PTPRC: variants seen among roughly 807,000 people sequenced by gnomAD.
PTPRC encodes receptor-type tyrosine-protein phosphatase C.
In PTPRC, 44 loss-of-function variants were observed where a neutral mutation model predicts 155.9. That is an observed-to-expected ratio of 0.28 (90% CI 0.22 to 0.36). The LOEUF is 0.36. PTPRC is among the 10% of genes least tolerant of loss of function. The pLI is 1.00. For synonymous variants in PTPRC, 525 were observed against 533.1 expected (o/e 0.98, Z 0.21); for missense variants, 1,401 against 1,564.6 (o/e 0.90, Z 1.76).
At chr1:198,642,292 A>G (rs1421929673) in intron 2 of PTPRC, among the ~76,000 whole-genome samples, 2 of 152,010 alleles carry the variant, frequency 1.3e-5, no homozygotes, top group African/African-American at 4.8e-5. Flanking sequence ...ACTTGAACAT[A>G]TATTTCTTTA....
At chr1:198,746,825 A>T (rs1655155824) in intron 26 of PTPRC, among the ~76,000 whole-genome samples, 1 of 151,808 alleles carries the variant, frequency 6.6e-6, no homozygotes, top group African/African-American at 2.4e-5. Flanking sequence ...AGGTGTTGTA[A>T]CAGTTTCCAA....
rs749142861 is a variant in PTPRC, at chr1:198,699,694, T to C, written c.429T>C (p.Asn143=). Residue 143 remains asparagine, a synonymous_variant, in exon 5 of 33, where the codon AAT becomes AAC. Coordinates refer to ENST00000442510, the MANE Select transcript of PTPRC (RefSeq NM_002838.5). ...AACTCAACCCTACCCCAGGCAGCAATGCTATCTCAGGTTTGCGGGTCCTTT... is the reference window on the plus strand; with the variant it reads ...AACTCAACCCTACCCCAGGCAGCAACGCTATCTCAGGTTTGCGGGTCCTTT... ...NAKLNPTPGS[N]AISDVPGERS... is the part of the protein sequence containing the mutation. The C allele has an allele frequency of 1.3e-5, 21 of 1,614,026 alleles. No homozygotes were observed. The South Asian group carries it at 2.3e-4, about 18-fold the overall frequency.
intron 17 of PTPRC, among the ~76,000 whole-genome samples, chr1:198,731,126 CTT>C (rs1039369130): frequency 3.9e-5 from 6 of 151,998 alleles, no homozygotes; most frequent in African/African-American, 1.4e-4. Context: ...ATTAATACAA[CTT>C]GTTTCACCAT....
intron 2 of PTPRC, among the ~76,000 whole-genome samples, chr1:198,667,745 A>G (rs1189262332): frequency 6.6e-6 from 1 of 152,266 alleles, no homozygotes. Context: ...CTGTCAATTC[A>G]TAACATGTCA....
At chr1:198,642,921 T>TTTCC (rs1164234150) in intron 2 of PTPRC, among the ~76,000 whole-genome samples, 1 of 146,586 alleles carries the variant, frequency 6.8e-6, no homozygotes, top group Non-Finnish European at 1.5e-5. Context: ...TCTTTCTTTC[T>TTTCC]TTCTTTCTTT....
intron 2 of PTPRC, chr1:198,657,911 C>CCACAG (rs1375159197): frequency 6.6e-6 from 1 of 152,108 alleles, no homozygotes; most frequent in Non-Finnish European, 1.5e-5. Flanking sequence ...GGCATCTCTT[C>CCACAG]CACAGACAAA....
intron 2 of PTPRC, among the ~76,000 whole-genome samples, chr1:198,656,063 C>T (rs192220757): frequency 6.6e-6 from 1 of 152,062 alleles, no homozygotes; most frequent in African/African-American, 2.4e-5. Flanking sequence ...TTAAAAGATT[C>T]ACAGGTGAGA....
At chr1:198,694,352 C>T (rs899213410) in intron 3 of PTPRC, 37 of 926,652 alleles carry the variant, frequency 4.0e-5, no homozygotes, top group Non-Finnish European at 5.0e-5. Context: ...GGTCTGCCTC[C>T]CCCAGTCCAC....
intron 2 of PTPRC, chr1:198,680,011 G>C: frequency 1.8e-6 from 1 of 565,880 alleles, no homozygotes; most frequent in South Asian, 2.1e-5. Context: ...CAGGCTCAAG[G>C]GCCTGGACCG....
chr1:198,746,516 A>C (rs771456102), intron 26 of PTPRC, among the ~76,000 whole-genome samples: 26 of 151,688 alleles, frequency 1.7e-4, no homozygotes, highest in Non-Finnish European at 3.2e-4. Flanking sequence ...GATTAAGATA[A>C]ATGGGAGTTC....
intron 15 of PTPRC, among the ~76,000 whole-genome samples, chr1:198,725,295 T>C (rs931135943): frequency 6.6e-6 from 1 of 152,156 alleles, no homozygotes; most frequent in African/African-American, 2.4e-5. Context: ...GCTTGGTTCT[T>C]ATTGGTAGTC....
chr1:198,738,913 G>T (rs1401948097), intron 23 of PTPRC, among the ~76,000 whole-genome samples: 4 of 151,656 alleles, frequency 2.6e-5, no homozygotes, highest in African/African-American at 9.7e-5. Flanking sequence ...CACATGAATT[G>T]AAACAAGAAA....
intron 28 of PTPRC, 80 bp downstream of exon 28, chr1:198,749,629 AT>A: frequency 1.4e-6 from 2 of 1,391,802 alleles, no homozygotes; most frequent in Admixed American, 3.5e-5. Flanking sequence ...TCATTAAGCG[AT>A]TTTATAAAAG....
At chr1:198,728,212 G>T in intron 15 of PTPRC, 128 bp from the exon 16 acceptor site, 3 of 707,394 alleles carry the variant, frequency 4.2e-6, no homozygotes, top group East Asian at 3.0e-5. Context: ...ATTCTAAAAT[G>T]TTTATTTTTT....
chr1:198,665,225 G>T (rs1302365871), intron 2 of PTPRC, among the ~76,000 whole-genome samples: 2 of 151,062 alleles, frequency 1.3e-5, no homozygotes, highest in African/African-American at 4.9e-5. Flanking sequence ...GAGTAGGGGG[G>T]ACTACAGGCG....
chr1:198,639,114 C>T lies in PTPRC; in HGVS notation c.-67C>T, dbSNP rs1662426772. The T allele has an allele frequency of 7.4e-6, 5 of 675,114 alleles. No individual in the cohort carries two copies. Among genetic ancestry groups the T allele is most frequent in the Admixed American group, 2.3e-5 (1 of 44,226 alleles). 41.8% of individuals were successfully genotyped at this position (675,114 alleles called of 1,614,324 possible). A position where few individuals can be genotyped will look rare whatever the true frequency, so the allele number is the denominator to read the frequency against. ...GGTAACAGAGGAGGAAATTGTTCCTCGTCTGATAAGACAACAGTGGAGAGT... is the reference window on the plus strand; with the variant it reads ...GGTAACAGAGGAGGAAATTGTTCCTTGTCTGATAAGACAACAGTGGAGAGT... On this transcript the variant is annotated 5_prime_UTR_variant, in exon 1 of 33. Transcript: ENST00000442510.
intron 9 of PTPRC, among the ~76,000 whole-genome samples, chr1:198,707,810 A>C (rs1022275112): frequency 2.6e-5 from 4 of 152,242 alleles, no homozygotes; most frequent in Non-Finnish European, 5.9e-5. Flanking sequence ...AAAAACAAAA[A>C]TACAAAATGG....
At chr1:198,648,606 T>G (rs1663063781) in intron 2 of PTPRC, among the ~76,000 whole-genome samples, 1 of 151,854 alleles carries the variant, frequency 6.6e-6, no homozygotes, top group Non-Finnish European at 1.5e-5. Context: ...TTCACCTGAT[T>G]TAGCTACTTA....
intron 2 of PTPRC, among the ~76,000 whole-genome samples, chr1:198,687,521 A>G (rs1270072358): frequency 6.6e-6 from 1 of 151,352 alleles, no homozygotes; most frequent in Non-Finnish European, 1.5e-5. Flanking sequence ...CCTACTCCCT[A>G]CCTTGTTTCA....
Sources: gnomAD v4.1 joint callset for allele counts (sites outside exome capture counted in the v4.1 genomes callset) on GRCh38, gnomAD v4.1.1 for gene constraint, MANE v1.5 for transcripts, NCBI Gene and HGNC (gene_info 2026-07-23, HGNC 2026-07-21) for gene names.